Variants in DIS3L2 observed in about 807,000 individuals in gnomAD.
The protein encoded by DIS3L2 is DIS3-like exonuclease 2.
Under a neutral mutation model 97.5 loss-of-function variants are expected in DIS3L2, and 34 were observed. That is an observed-to-expected ratio of 0.35 (90% CI 0.27 to 0.46). The LOEUF is 0.46. DIS3L2 is among the 20% of genes least tolerant of loss of function. The pLI, the probability that DIS3L2 is intolerant of heterozygous loss-of-function variation, is 1.00. For missense variants in DIS3L2, 1,038 were observed against 1,146.0 expected (o/e 0.91, Z 1.36); for synonymous variants, 435 against 445.2 (o/e 0.98, Z 0.29).
At chr2:232,238,406 C>A in intron 10 of DIS3L2, 127 bp from the exon 11 acceptor site, 1 of 688,736 alleles carries the variant, frequency 1.5e-6, no homozygotes, top group Non-Finnish European at 2.5e-6. Context: ...GCAAGCAAGA[C>A]TAGATGTGTC....
In DIS3L2 at chr2:232,334,128, T is replaced by G. The variant is rs565447006; in HGVS notation, c.2158+141T>G. ...CGGGCGACCCAAGTGCAGGGGAGCCTGGCCTGGAAACTCTCCCTACGGGCC... is the reference window on the plus strand; with the variant it reads ...CGGGCGACCCAAGTGCAGGGGAGCCGGGCCTGGAAACTCTCCCTACGGGCC... On this transcript the variant is annotated intron_variant, in intron 17 of 20. Coordinates refer to ENST00000325385, the MANE Select transcript of DIS3L2 (RefSeq NM_152383.5). The G allele has an allele frequency of 2.6e-3, 3,541 of 1,383,142 alleles. 4 individuals carry two copies. The highest frequency in any genetic ancestry group is 3.0e-3 in the Non-Finnish European group (3,106 of 1,046,178). The allele number at this position is 1,383,142 out of a possible 1,614,324, so 85.7% of individuals were successfully genotyped here.
chr2:232,340,842 T>C (rs1696087331), downstream of DIS3L2: 4 of 471,392 alleles, frequency 8.5e-6, no homozygotes, highest in South Asian at 3.1e-5. Context: ...ACACTGCTCA[T>C]GCCTATCCGT....
chr2:232,320,484 T>A (rs1695401077), intron 14 of DIS3L2, among the ~76,000 whole-genome samples: 1 of 152,214 alleles, frequency 6.6e-6, no homozygotes, highest in Admixed American at 6.5e-5. Flanking sequence ...GTGTTGGATT[T>A]AAGTGATAAC....
At chr2:232,171,395 T>G (rs1690987140) in intron 9 of DIS3L2, among the ~76,000 whole-genome samples, 1 of 152,172 alleles carries the variant, frequency 6.6e-6, no homozygotes, top group Admixed American at 6.5e-5. Flanking sequence ...AGAGCATGAC[T>G]CTGTATTTGA....
At chr2:232,143,075 A>G (rs1690113720) in intron 8 of DIS3L2, among the ~76,000 whole-genome samples, 1 of 152,208 alleles carries the variant, frequency 6.6e-6, no homozygotes. Context: ...TAGAGGAAAG[A>G]TGATGAATGG....
intron 1 of DIS3L2, among the ~76,000 whole-genome samples, chr2:232,002,258 C>T (rs912264233): frequency 1.3e-5 from 2 of 152,078 alleles, no homozygotes; most frequent in African/African-American, 4.8e-5. Context: ...CAGTACTGTG[C>T]TGTTTTGATT....
At chr2:232,101,825 A>G (rs1041178232) in intron 6 of DIS3L2, among the ~76,000 whole-genome samples, 4 of 152,250 alleles carry the variant, frequency 2.6e-5, no homozygotes, top group Non-Finnish European at 5.9e-5. Context: ...AATATATACA[A>G]TACAGGTTAA....
chr2:232,200,146 A>G (rs1046805468), intron 9 of DIS3L2, among the ~76,000 whole-genome samples: 7 of 152,176 alleles, frequency 4.6e-5, no homozygotes, highest in African/African-American at 1.7e-4. Context: ...GAAAGATATA[A>G]ATATGGAATG....
chr2:232,063,858 G>T (rs936736040), intron 5 of DIS3L2, among the ~76,000 whole-genome samples: 6 of 152,040 alleles, frequency 3.9e-5, no homozygotes, highest in Non-Finnish European at 8.8e-5. Context: ...GTAATTTGAT[G>T]CCTAATAGAT....
intron 1 of DIS3L2, among the ~76,000 whole-genome samples, chr2:231,973,283 T>TACAC (rs34093471): frequency 0.013 from 1,898 of 151,230 alleles, 31 homozygotes; most frequent in African/African-American, 0.028. Flanking sequence ...TACATGTTTA[T>TACAC]ACACACACAC....
chr2:232,005,566 A>G (rs1251842425), intron 1 of DIS3L2, among the ~76,000 whole-genome samples: 1 of 152,084 alleles, frequency 6.6e-6, no homozygotes, highest in East Asian at 1.9e-4. Context: ...TTCCCTCCCC[A>G]CAAATTTTAT....
intron 14 of DIS3L2, among the ~76,000 whole-genome samples, chr2:232,311,930 A>C (rs1185948180): frequency 6.6e-6 from 1 of 152,216 alleles, no homozygotes; most frequent in East Asian, 1.9e-4. Context: ...ATATAATAGG[A>C]ATGAAATTGC....
At chr2:232,201,231 G>A (rs768117621) in intron 9 of DIS3L2, among the ~76,000 whole-genome samples, 1 of 152,212 alleles carries the variant, frequency 6.6e-6, no homozygotes, top group Non-Finnish European at 1.5e-5. Context: ...CTAACATTTT[G>A]TGCCTTCTGA....
In DIS3L2 at chr2:232,337,034, G is replaced by A; in HGVS notation, c.*404G>A. ...GGCAGCAGAATGCCCCTTGCACCCA[G>A]GGCAAGGGACCCAGTTCAGGCTTCA... On this transcript the variant is annotated 3_prime_UTR_variant, in exon 21 of 21. Transcript: ENST00000325385. 2.8e-6 allele frequency: 3 copies of A among 1,068,746 alleles called. No homozygotes were observed. The highest frequency in any genetic ancestry group is 8.8e-4 in the Middle Eastern group (2 of 2,280). 66.2% of individuals were successfully genotyped at this position (1,068,746 alleles called of 1,614,324 possible).
At chr2:231,961,888 C>G (rs538095471) in intron 1 of DIS3L2, 123 bp downstream of exon 1, 1 of 152,498 alleles carries the variant, frequency 6.6e-6, no homozygotes, top group Non-Finnish European at 1.5e-5. Context: ...GGTGGCGGCC[C>G]GGGACGAGCG....
At chr2:232,260,927 G>A (rs76118102) in intron 12 of DIS3L2, among the ~76,000 whole-genome samples, 1 of 152,182 alleles carries the variant, frequency 6.6e-6, no homozygotes, top group South Asian at 2.1e-4. Flanking sequence ...CTGAGAGCTT[G>A]TGAACAGAAG....
intron 4 of DIS3L2, among the ~76,000 whole-genome samples, chr2:232,026,220 A>G (rs1284350167): frequency 2.0e-5 from 3 of 152,216 alleles, no homozygotes; most frequent in Admixed American, 2.0e-4. Flanking sequence ...AAAGTTAGAC[A>G]TCAAAACCAC....
At chr2:232,002,141 C>T (rs185662367) in intron 1 of DIS3L2, among the ~76,000 whole-genome samples, 1 of 152,258 alleles carries the variant, frequency 6.6e-6, no homozygotes, top group African/African-American at 2.4e-5. Flanking sequence ...GTCCTTTCCC[C>T]ACTACGTATT....
At chr2:232,169,881 T>G (rs1574922765) in intron 9 of DIS3L2, among the ~76,000 whole-genome samples, 1 of 152,224 alleles carries the variant, frequency 6.6e-6, no homozygotes, top group East Asian at 1.9e-4. Context: ...TGGGGTAATA[T>G]TTTGCAAACT....
Sources: allele counts gnomAD v4.1 joint callset (sites outside exome capture counted in the v4.1 genomes callset), GRCh38; gene constraint gnomAD v4.1.1; transcripts MANE v1.5; gene names NCBI Gene and HGNC (gene_info 2026-07-23, HGNC 2026-07-21).